The following TYW1 variants were observed in gnomAD, a reference collection of about 807,000 sequenced individuals.
TYW1 encodes the protein S-adenosyl-L-methionine-dependent tRNA 4-demethylwyosine synthase TYW1.
Under a neutral mutation model 96.2 loss-of-function variants are expected in TYW1, and 46 were observed. The observed-to-expected ratio is 0.48, with a 90% CI of 0.38 to 0.61. TYW1 has a LOEUF of 0.61. Ranked by LOEUF, TYW1 falls within the 20% of genes least tolerant of loss-of-function variation. TYW1 has a pLI of 0.00. For synonymous variants in TYW1, 274 were observed against 323.0 expected (o/e 0.85, Z 1.63); for missense variants, 684 against 909.6 (o/e 0.75, Z 3.19).
At chr7:67,093,631 C>A (rs1266381990) in intron 11 of TYW1, among the ~76,000 whole-genome samples, 3 of 152,148 alleles carry the variant, frequency 2.0e-5, no homozygotes, top group African/African-American at 4.8e-5. Context: ...GCTTAAGGAT[C>A]AAATTTTATT....
At chr7:67,075,296 G>A (rs1796166863) in intron 10 of TYW1, among the ~76,000 whole-genome samples, 1 of 151,970 alleles carries the variant, frequency 6.6e-6, no homozygotes, top group African/African-American at 2.4e-5. Flanking sequence ...TTGAATCAAG[G>A]GTTTTGTCTG....
intron 3 of TYW1, among the ~76,000 whole-genome samples, chr7:67,006,058 T>G (rs897848769): frequency 2.0e-5 from 3 of 152,148 alleles, no homozygotes; most frequent in African/African-American, 7.2e-5. Flanking sequence ...GGGTAATTGA[T>G]ATGGTTTGGA....
At chr7:67,026,657 A>C (rs1277090850) in intron 7 of TYW1, among the ~76,000 whole-genome samples, 2 of 151,950 alleles carry the variant, frequency 1.3e-5, no homozygotes, top group African/African-American at 4.8e-5. Flanking sequence ...GAAAGTAGTG[A>C]TGAGAAGGAT....
At chr7:67,174,709 A>T (rs1799616906) in intron 13 of TYW1, among the ~76,000 whole-genome samples, 1 of 151,690 alleles carries the variant, frequency 6.6e-6, no homozygotes, top group Non-Finnish European at 1.5e-5. Flanking sequence ...ATAAAATAGG[A>T]TTATAAAAAA....
At chr7:67,177,249 A>G (rs992562322) in intron 13 of TYW1, among the ~76,000 whole-genome samples, 6 of 152,004 alleles carry the variant, frequency 3.9e-5, no homozygotes, top group East Asian at 1.9e-4. Flanking sequence ...GAGTGGCAAT[A>G]TGATAAAACT....
intron 15 of TYW1, among the ~76,000 whole-genome samples, chr7:67,212,391 A>G (rs1801063638): frequency 6.6e-6 from 1 of 150,944 alleles, no homozygotes; most frequent in Non-Finnish European, 1.5e-5. Flanking sequence ...TGGTTTATTC[A>G]TTCACCTATT....
At chr7:67,026,223 C>A (rs1050905723) in intron 7 of TYW1, among the ~76,000 whole-genome samples, 13 of 152,106 alleles carry the variant, frequency 8.5e-5, no homozygotes, top group African/African-American at 2.4e-4. Flanking sequence ...CAGGTGCATA[C>A]CACCACGCTG....
At chr7:67,131,520 A>G (rs1317277451) in intron 13 of TYW1, among the ~76,000 whole-genome samples, 1 of 152,010 alleles carries the variant, frequency 6.6e-6, no homozygotes, top group East Asian at 1.9e-4. Flanking sequence ...GTATCCTGTA[A>G]TTGGTGTTTA....
intron 9 of TYW1, among the ~76,000 whole-genome samples, chr7:67,065,907 A>T (rs1236847187): frequency 6.6e-6 from 1 of 151,782 alleles, no homozygotes. Flanking sequence ...GCTACTTGGG[A>T]GGCTGAGGCA....
intron 12 of TYW1, among the ~76,000 whole-genome samples, chr7:67,116,223 G>C (rs1489826994): frequency 6.6e-6 from 1 of 151,684 alleles, no homozygotes; most frequent in Non-Finnish European, 1.5e-5. Context: ...CTACTTAGGA[G>C]ACTGAGGCAG....
chr7:67,223,732 C>T lies in TYW1; in HGVS notation c.1978-14576C>T, dbSNP rs1407911497. Among the ~76,000 whole-genome samples the T allele has an allele frequency of 2.0e-5, 3 of 151,760 alleles. No homozygotes were observed. In the East Asian group the frequency reaches 5.8e-4, roughly 29 times the overall value. On this transcript the variant is annotated intron_variant, in intron 15 of 15. Coordinates refer to ENST00000359626, the MANE Select transcript of TYW1 (RefSeq NM_018264.4). ...CTGGCTCTTAGAAGCTGCATGCAAG[C>T]TGCTCCCATAACATGTACACAGCTG...
intron 12 of TYW1, among the ~76,000 whole-genome samples, chr7:67,100,006 A>G (rs892046718): frequency 1.1e-4 from 17 of 152,190 alleles, no homozygotes; most frequent in African/African-American, 4.1e-4. Flanking sequence ...CTGACTCAAA[A>G]AAAAAAAGAT....
intron 4 of TYW1, 171 bp downstream of exon 4, chr7:67,009,855 G>A: frequency 1.5e-6 from 1 of 650,282 alleles, no homozygotes; most frequent in Non-Finnish European, 2.5e-6. Context: ...TGTGGGGTAA[G>A]GTTCACTGAT....
At chr7:66,997,046 C>T in intron 1 of TYW1, 64 bp downstream of exon 1, 1 of 1,607,816 alleles carries the variant, frequency 6.2e-7, no homozygotes, top group South Asian at 1.1e-5. Flanking sequence ...TACTGAGACC[C>T]TCTCCGGGCG....
chr7:67,173,400 T>G (rs1476831097), intron 13 of TYW1, among the ~76,000 whole-genome samples: 1 of 152,172 alleles, frequency 6.6e-6, no homozygotes, highest in Non-Finnish European at 1.5e-5. Flanking sequence ...TCTTTGTAAT[T>G]CCTGTAAAAT....
chr7:67,013,739 C>CTTTTT (rs931500833), intron 4 of TYW1, among the ~76,000 whole-genome samples: 18 of 97,536 alleles, frequency 1.8e-4, no homozygotes, highest in East Asian at 9.9e-4. Context: ...GCATTTTTTC[C>CTTTTT]TTTTTTTTTT....
chr7:67,127,568 T>A lies in TYW1; in HGVS notation c.1698+9950T>A, dbSNP rs897841611. On this transcript the variant is annotated intron_variant, in intron 13 of 15. Transcript: ENST00000359626. ...GCATAATCAATATATTGTTGCTATC[T>A]TATTATTTTGGCCAAATTGCTATCT... Among the ~76,000 whole-genome samples, 14 of 152,336 alleles carry A rather than the reference T, an allele frequency of 9.2e-5. 1 individual carries two copies. In the South Asian group the frequency reaches 1.9e-3, roughly 20 times the overall value.
At chr7:67,037,512 A>G (rs2077685415) in intron 7 of TYW1, among the ~76,000 whole-genome samples, 1 of 151,854 alleles carries the variant, frequency 6.6e-6, no homozygotes, top group Admixed American at 6.6e-5. Flanking sequence ...CTCAAAAAAA[A>G]AAAAAAAAAA....
chr7:67,227,314 T>C (rs537627196), intron 15 of TYW1, among the ~76,000 whole-genome samples: 3 of 152,328 alleles, frequency 2.0e-5, no homozygotes, highest in South Asian at 2.1e-4. Context: ...TGGAATGCAG[T>C]GGCACGATCT....
Sources: gnomAD v4.1 joint callset for allele counts (sites outside exome capture counted in the v4.1 genomes callset) on GRCh38, gnomAD v4.1.1 for gene constraint, MANE v1.5 for transcripts, NCBI Gene and HGNC (gene_info 2026-07-23, HGNC 2026-07-21) for gene names.